The following CAST variants were observed in gnomAD, a reference collection of about 807,000 sequenced individuals.
The protein encoded by CAST is MIR583 host.
A neutral mutation model predicts 119.6 loss-of-function variants in CAST; 76 were observed. The ratio of observed to expected loss-of-function variants is 0.64; its 90% confidence interval spans 0.53 to 0.77. The LOEUF is 0.77. CAST is among the 30% of genes least tolerant of loss of function. The pLI, the probability that CAST is intolerant of heterozygous loss-of-function variation, is 0.00. For missense variants in CAST, 953 were observed against 946.5 expected (o/e 1.01, Z -0.09); for synonymous variants, 319 against 331.6 (o/e 0.96, Z 0.41).
the CAST span, among the ~76,000 whole-genome samples, chr5:96,345,343 C>T: frequency 1.6e-4 from 25 of 152,022 alleles, no homozygotes; most frequent in Non-Finnish European, 3.4e-4. Flanking sequence ...TTGGATGATA[C>T]ACTATTTTAC....
At chr5:96,398,839 C>A in the CAST span, 8 of 1,509,444 alleles carry the variant, frequency 5.3e-6, no homozygotes, top group South Asian at 6.7e-5. Flanking sequence ...ATTCAACTTA[C>A]ACTTAAAAAT....
the CAST span, among the ~76,000 whole-genome samples, chr5:96,231,457 C>A: frequency 6.6e-6 from 1 of 151,986 alleles, no homozygotes; most frequent in African/African-American, 2.4e-5. Context: ...GAAAATAATG[C>A]GCTTAACCAG....
the CAST span, among the ~76,000 whole-genome samples, chr5:96,028,407 A>C: frequency 1.6e-4 from 25 of 152,204 alleles, no homozygotes; most frequent in South Asian, 2.1e-4. Flanking sequence ...GAGGTAAAAA[A>C]AGAATATTAT....
the CAST span, among the ~76,000 whole-genome samples, chr5:96,477,200 C>T: frequency 6.6e-6 from 1 of 151,488 alleles, no homozygotes; most frequent in Non-Finnish European, 1.5e-5. Context: ...GCAGGGCTTC[C>T]TTGGTCTAGG....
At chr5:96,744,646 T>G (rs1009120233) in intron 16 of CAST, among the ~76,000 whole-genome samples, 1 of 152,138 alleles carries the variant, frequency 6.6e-6, no homozygotes. Context: ...GATCTTTCAG[T>G]CCTCTAGATT....
the CAST span, among the ~76,000 whole-genome samples, chr5:96,102,406 G>T: frequency 6.6e-6 from 1 of 152,094 alleles, no homozygotes; most frequent in East Asian, 1.9e-4. Flanking sequence ...ACCTCCAGTC[G>T]AGCCAGTTCT....
At chr5:96,227,106 AAC>A in the CAST span, among the ~76,000 whole-genome samples, 2 of 152,198 alleles carry the variant, frequency 1.3e-5, no homozygotes, top group Non-Finnish European at 2.9e-5. Context: ...TTAATGTCAG[AAC>A]ACACAGTTTA....
intron 1 of CAST, 108 bp from the exon 2 acceptor site, chr5:96,675,431 A>C (rs1561460908): frequency 1.1e-5 from 8 of 735,720 alleles, no homozygotes; most frequent in Non-Finnish European, 1.9e-5. Flanking sequence ...GAGGAAGATT[A>C]AAGTGGTCGT....
At chr5:96,718,665 G>A (rs1462909963) in intron 3 of CAST, among the ~76,000 whole-genome samples, 3 of 152,172 alleles carry the variant, frequency 2.0e-5, no homozygotes, top group African/African-American at 7.2e-5. Context: ...AACAAGGAGA[G>A]AACAGTCAGT....
At chr5:96,057,089 C>A in the CAST span, among the ~76,000 whole-genome samples, 5 of 152,128 alleles carry the variant, frequency 3.3e-5, no homozygotes, top group African/African-American at 1.2e-4. Flanking sequence ...TGGAAGTGAA[C>A]TATAGAAACA....
At chr5:96,405,336 C>T in the CAST span, among the ~76,000 whole-genome samples, 2 of 152,130 alleles carry the variant, frequency 1.3e-5, no homozygotes, top group Non-Finnish European at 2.9e-5. Flanking sequence ...CAGAAATATG[C>T]CATACATACA....
the CAST span, among the ~76,000 whole-genome samples, chr5:96,499,351 G>A: frequency 2.0e-5 from 3 of 152,204 alleles, no homozygotes; most frequent in Admixed American, 6.5e-5. Context: ...TCGTTTCCAA[G>A]TGCATATAAA....
intron 1 of CAST, among the ~76,000 whole-genome samples, chr5:96,530,259 T>C (rs1745668268): frequency 6.7e-6 from 1 of 150,372 alleles, no homozygotes; most frequent in Non-Finnish European, 1.5e-5. Context: ...GAGAAGGAGG[T>C]GGAACCATAG....
At chr5:96,733,125 G>A (rs1391559215) in intron 9 of CAST, among the ~76,000 whole-genome samples, 1 of 152,150 alleles carries the variant, frequency 6.6e-6, no homozygotes, top group African/African-American at 2.4e-5. Flanking sequence ...CTCCTATGGA[G>A]CAAAGGCAAC....
At chr5:96,626,418 G>A (rs1747724646) in intron 1 of CAST, among the ~76,000 whole-genome samples, 2 of 152,096 alleles carry the variant, frequency 1.3e-5, no homozygotes, top group South Asian at 2.1e-4. Context: ...ACTGACACAG[G>A]CCTCTTGGTC....
chr5:96,411,647 G>A, the CAST span, among the ~76,000 whole-genome samples: 7 of 152,248 alleles, frequency 4.6e-5, no homozygotes, highest in Admixed American at 1.3e-4. Flanking sequence ...GCATTTCCGC[G>A]CTTGGAAGAA....
At chr5:96,008,534 A>G in the CAST span, among the ~76,000 whole-genome samples, 1 of 152,182 alleles carries the variant, frequency 6.6e-6, no homozygotes, top group African/African-American at 2.4e-5. Flanking sequence ...GGGAGAAGGC[A>G]CCTTTTCCCT....
chr5:96,423,701 C>T, the CAST span, among the ~76,000 whole-genome samples: 1 of 152,198 alleles, frequency 6.6e-6, no homozygotes, highest in Non-Finnish European at 1.5e-5. Context: ...ATCACCTGTG[C>T]TCCTTCTCTT....
At chr5:96,455,707 C>T in the CAST span, among the ~76,000 whole-genome samples, 7 of 152,326 alleles carry the variant, frequency 4.6e-5, no homozygotes, top group South Asian at 2.1e-4. Flanking sequence ...CCTGGCTTTT[C>T]GCATAGCTTA....
Sources: allele counts gnomAD v4.1 joint callset (sites outside exome capture counted in the v4.1 genomes callset), GRCh38; gene constraint gnomAD v4.1.1; transcripts MANE v1.5; gene names NCBI Gene and HGNC (gene_info 2026-07-23, HGNC 2026-07-21).